The following AGBL4 variants were observed in gnomAD, a reference collection of about 807,000 sequenced individuals.
AGBL4 encodes AGBL carboxypeptidase 4.
A neutral mutation model predicts 66.4 loss-of-function variants in AGBL4; 58 were observed. That is an observed-to-expected ratio of 0.87 (90% CI 0.71 to 1.09). AGBL4 has a LOEUF of 1.09. AGBL4 is among the 50% of genes least tolerant of loss of function. AGBL4 has a pLI of 0.00. For missense variants in AGBL4, 579 were observed against 631.0 expected (o/e 0.92, Z 0.88); for synonymous variants, 234 against 222.9 (o/e 1.05, Z -0.44).
At chr1:48,879,785 C>T (rs1184307718) in intron 5 of AGBL4, among the ~76,000 whole-genome samples, 2 of 152,066 alleles carry the variant, frequency 1.3e-5, no homozygotes, top group Non-Finnish European at 2.9e-5. Flanking sequence ...TTGCCCAAGT[C>T]GTACAGATAG....
intron 6 of AGBL4, among the ~76,000 whole-genome samples, chr1:48,664,162 A>G (rs1035121376): frequency 6.6e-6 from 1 of 152,192 alleles, no homozygotes; most frequent in Non-Finnish European, 1.5e-5. Flanking sequence ...CCTCACTGAG[A>G]TTCAAGTTCA....
intron 4 of AGBL4, among the ~76,000 whole-genome samples, chr1:49,169,112 C>T (rs573641181): frequency 2.0e-5 from 3 of 152,206 alleles, no homozygotes; most frequent in East Asian, 1.9e-4. Flanking sequence ...ATTGAAAAGC[C>T]GTATTAGCAT....
intron 1 of AGBL4, among the ~76,000 whole-genome samples, chr1:49,962,935 A>G (rs1204916915): frequency 6.6e-6 from 1 of 152,146 alleles, no homozygotes; most frequent in African/African-American, 2.4e-5. Context: ...ACAAGATTCA[A>G]ACCCAGACTT....
At chr1:49,645,466 A>T (rs943361077) in intron 3 of AGBL4, among the ~76,000 whole-genome samples, 4 of 151,476 alleles carry the variant, frequency 2.6e-5, no homozygotes. Context: ...AGATTTTCTG[A>T]ACAATACAAA....
At chr1:49,278,662 C>T (rs1467096111) in intron 3 of AGBL4, among the ~76,000 whole-genome samples, 1 of 152,070 alleles carries the variant, frequency 6.6e-6, no homozygotes, top group Non-Finnish European at 1.5e-5. Flanking sequence ...CAGTCAGTAT[C>T]CAGGCTATAA....
chr1:49,291,246 A>AT (rs1443153060), intron 3 of AGBL4, among the ~76,000 whole-genome samples: 3 of 152,214 alleles, frequency 2.0e-5, no homozygotes, highest in Non-Finnish European at 4.4e-5. Context: ...AAATTCACCC[A>AT]TTCATTTTCA....
intron 3 of AGBL4, among the ~76,000 whole-genome samples, chr1:49,578,907 G>C (rs1644489188): frequency 6.6e-6 from 1 of 152,190 alleles, no homozygotes; most frequent in Non-Finnish European, 1.5e-5. Context: ...ATCTGTGAAG[G>C]TGTTGCCAAA....
intron 6 of AGBL4, among the ~76,000 whole-genome samples, chr1:48,703,264 G>A (rs1646830475): frequency 2.0e-5 from 3 of 152,100 alleles, no homozygotes; most frequent in African/African-American, 7.2e-5. Flanking sequence ...AAAGGAAGCT[G>A]AAAGTAAGAC....
intron 3 of AGBL4, among the ~76,000 whole-genome samples, chr1:49,544,890 G>A (rs765252880): frequency 1.4e-4 from 21 of 152,236 alleles, no homozygotes; most frequent in South Asian, 2.1e-4. Flanking sequence ...GGTGAACCCC[G>A]GACTTCTTTC....
chr1:49,664,944 G>A (rs550440863), intron 3 of AGBL4, among the ~76,000 whole-genome samples: 12 of 152,086 alleles, frequency 7.9e-5, no homozygotes, highest in East Asian at 1.9e-4. Flanking sequence ...TTCATGCCAC[G>A]GTAAATATTT....
chr1:49,353,696 C>T (rs1441704290), intron 3 of AGBL4, among the ~76,000 whole-genome samples: 3 of 152,168 alleles, frequency 2.0e-5, no homozygotes, highest in African/African-American at 7.2e-5. Flanking sequence ...ACCCCCTGTC[C>T]TGTACCCATA....
intron 9 of AGBL4, among the ~76,000 whole-genome samples, chr1:48,592,054 A>C (rs1450070666): frequency 6.6e-6 from 1 of 152,218 alleles, no homozygotes; most frequent in Non-Finnish European, 1.5e-5. Flanking sequence ...ATTGCCCTCA[A>C]ATCCAATCTT....
At chr1:49,573,042 T>TTGC (rs1462613196) in intron 3 of AGBL4, among the ~76,000 whole-genome samples, 1 of 152,094 alleles carries the variant, frequency 6.6e-6, no homozygotes, top group African/African-American at 2.4e-5. Context: ...CTGGCTCTCC[T>TTGC]TGCTGCTCAA....
chr1:48,997,764 C>T (rs3121515), intron 5 of AGBL4, among the ~76,000 whole-genome samples: 86,736 of 151,984 alleles, frequency 0.57, 25,171 homozygotes, highest in Non-Finnish European at 0.61. Context: ...AAAAAATCAA[C>T]CAGACACTAT....
intron 5 of AGBL4, among the ~76,000 whole-genome samples, chr1:48,938,875 T>G (rs1330440429): frequency 6.6e-6 from 1 of 152,186 alleles, no homozygotes; most frequent in Non-Finnish European, 1.5e-5. Flanking sequence ...AATAAGTACA[T>G]CATGCCTGTT....
At chr1:48,656,849 A>G (rs902010145) in intron 7 of AGBL4, among the ~76,000 whole-genome samples, 4 of 152,208 alleles carry the variant, frequency 2.6e-5, no homozygotes, top group South Asian at 2.1e-4. Flanking sequence ...GCAAGGGCTG[A>G]AAAGCTACCT....
At chr1:49,181,479 C>T (rs969108359) in intron 4 of AGBL4, among the ~76,000 whole-genome samples, 1 of 152,220 alleles carries the variant, frequency 6.6e-6, no homozygotes, top group African/African-American at 2.4e-5. Flanking sequence ...TCTACTACCT[C>T]CTGGCTGTGG....
intron 3 of AGBL4, among the ~76,000 whole-genome samples, chr1:49,250,440 A>ATT (rs1242148895): frequency 0.095 from 11,690 of 122,604 alleles, 1,196 homozygotes; most frequent in African/African-American, 0.24. Flanking sequence ...ACAGGAACTA[A>ATT]TTTTTTTTTT....
intron 1 of AGBL4, among the ~76,000 whole-genome samples, chr1:49,991,503 T>A (rs1012291028): frequency 1.3e-5 from 2 of 152,194 alleles, no homozygotes; most frequent in African/African-American, 4.8e-5. Flanking sequence ...TATTTTCATA[T>A]CCAACTTACT....
Sources: allele counts gnomAD v4.1 joint callset (sites outside exome capture counted in the v4.1 genomes callset), GRCh38; gene constraint gnomAD v4.1.1; transcripts MANE v1.5; gene names NCBI Gene and HGNC (gene_info 2026-07-23, HGNC 2026-07-21).